Variants in EXOC6 observed in about 807,000 individuals in gnomAD.
The protein encoded by EXOC6 is exocyst complex component 6, also known as SEC15-like 1.
In EXOC6, 60 loss-of-function variants were observed where a neutral mutation model predicts 112.5. That is an observed-to-expected ratio of 0.53 (90% CI 0.43 to 0.66). The LOEUF is 0.66. EXOC6 is among the 30% of genes least tolerant of loss of function. The probability of loss-of-function intolerance (pLI) is 0.00; values close to 1 mark genes in which losing one functional copy is unlikely to be tolerated. For synonymous variants in EXOC6, 295 were observed against 308.0 expected (o/e 0.96, Z 0.44); for missense variants, 855 against 957.1 (o/e 0.89, Z 1.41).
intron 20 of EXOC6, among the ~76,000 whole-genome samples, chr10:93,015,191 T>G (rs1189410425): frequency 6.6e-6 from 1 of 152,216 alleles, no homozygotes; most frequent in African/African-American, 2.4e-5. Flanking sequence ...ATCATTGGTA[T>G]GAACAGACTC....
chr10:92,939,914 A>G (rs1394071654), intron 12 of EXOC6, among the ~76,000 whole-genome samples: 1 of 151,876 alleles, frequency 6.6e-6, no homozygotes, highest in African/African-American at 2.4e-5. Context: ...TAGAAGTGAG[A>G]GATTGTAGTA....
chr10:92,835,290 A>G (rs181214554), intron 1 of EXOC6, among the ~76,000 whole-genome samples: 1 of 152,174 alleles, frequency 6.6e-6, no homozygotes, highest in African/African-American at 2.4e-5. Context: ...TTTTGTTTCC[A>G]TATAAGGTTT....
At chr10:92,934,038 G>T in intron 9 of EXOC6, 106 bp from the exon 10 acceptor site, 1 of 666,164 alleles carries the variant, frequency 1.5e-6, no homozygotes. Context: ...GTGGCATATA[G>T]TAGACTCTCA....
chr10:92,846,103 C>CA (rs2133603957), upstream of EXOC6, among the ~76,000 whole-genome samples: 2 of 152,336 alleles, frequency 1.3e-5, no homozygotes, highest in South Asian at 4.1e-4. Context: ...GGACTTCCTT[C>CA]CATGTTCACT....
chr10:92,952,221 G>T, intron 14 of EXOC6, 52 bp from the exon 15 acceptor site: 1 of 1,107,158 alleles, frequency 9.0e-7, no homozygotes, highest in Non-Finnish European at 1.4e-6. Context: ...TTAGTGATTA[G>T]CATGTCTTTT....
At chr10:92,944,773 AT>A (rs35127540) in intron 13 of EXOC6, among the ~76,000 whole-genome samples, 41,155 of 137,072 alleles carry the variant, frequency 0.3, 5,497 homozygotes, top group Middle Eastern at 0.37. Context: ...ACCTCGTTGT[AT>A]TTTTTTTTTT....
chr10:92,873,703 G>T (rs1848557752), intron 1 of EXOC6, among the ~76,000 whole-genome samples: 1 of 151,956 alleles, frequency 6.6e-6, no homozygotes, highest in South Asian at 2.1e-4. Context: ...AAAACACATA[G>T]AACGTGAGTT....
At chr10:92,979,896 C>CAA (rs5787028) in intron 18 of EXOC6, among the ~76,000 whole-genome samples, 139 of 84,320 alleles carry the variant, frequency 1.6e-3, no homozygotes, top group South Asian at 8.0e-3. Context: ...GACACTGTCT[C>CAA]AAAAAAAAAA....
chr10:92,932,243 A>C (rs188121732), intron 9 of EXOC6, among the ~76,000 whole-genome samples: 1 of 152,202 alleles, frequency 6.6e-6, no homozygotes, highest in East Asian at 1.9e-4. Flanking sequence ...ATTTTTGAAA[A>C]GACAAAACTC....
At chr10:92,918,182 T>C (rs1294920282) in intron 7 of EXOC6, among the ~76,000 whole-genome samples, 1 of 152,184 alleles carries the variant, frequency 6.6e-6, no homozygotes, top group Admixed American at 6.5e-5. Flanking sequence ...CAGAATCTTC[T>C]ATTGAACTTA....
At chr10:92,927,811 G>T (rs1175029861) in intron 8 of EXOC6, among the ~76,000 whole-genome samples, 1 of 152,184 alleles carries the variant, frequency 6.6e-6, no homozygotes, top group Non-Finnish European at 1.5e-5. Flanking sequence ...GGCGAGTCCT[G>T]AAGGATGAGT....
intron 20 of EXOC6, among the ~76,000 whole-genome samples, chr10:93,029,469 A>G (rs1845176473): frequency 6.6e-6 from 1 of 152,124 alleles, no homozygotes; most frequent in Admixed American, 6.5e-5. Context: ...ATTTGAGGCC[A>G]TTTTTCTCTA....
intron 5 of EXOC6, chr10:92,901,590 C>T (rs1410103768): frequency 3.4e-5 from 5 of 146,654 alleles, no homozygotes; most frequent in African/African-American, 5.0e-5. Flanking sequence ...TTTATTGTAT[C>T]GTAAGATGTT....
At chr10:93,050,476 G>C (rs888151007) in intron 20 of EXOC6, among the ~76,000 whole-genome samples, 2 of 151,340 alleles carry the variant, frequency 1.3e-5, no homozygotes, top group African/African-American at 4.9e-5. Flanking sequence ...GCTTGAACCT[G>C]AGGCCAGGTG....
chr10:92,971,103 G>T (rs1267104178), intron 17 of EXOC6, among the ~76,000 whole-genome samples: 6 of 152,176 alleles, frequency 3.9e-5, no homozygotes. Context: ...CCAGGCTGGA[G>T]TGAAGTGGCG....
At chr10:92,920,628 CA>C (rs1851378224) in intron 8 of EXOC6, among the ~76,000 whole-genome samples, 1 of 152,120 alleles carries the variant, frequency 6.6e-6, no homozygotes, top group African/African-American at 2.4e-5. Context: ...TAGGGTTGTT[CA>C]CGTCTTTTAC....
upstream of EXOC6, chr10:92,831,375 TG>T (rs1198603320): frequency 7.8e-7 from 1 of 1,277,570 alleles, no homozygotes; most frequent in East Asian, 5.6e-5. Context: ...AAAGCAATAG[TG>T]GTTTGTTAAT....
intron 20 of EXOC6, among the ~76,000 whole-genome samples, chr10:93,046,111 G>C (rs1269554930): frequency 6.6e-6 from 1 of 152,208 alleles, no homozygotes. Flanking sequence ...AACATATGCA[G>C]TGAATCTCAA....
intron 9 of EXOC6, among the ~76,000 whole-genome samples, chr10:92,930,836 GA>G (rs1227373449): frequency 6.6e-6 from 1 of 152,118 alleles, no homozygotes; most frequent in African/African-American, 2.4e-5. Context: ...TTAAGAAAAT[GA>G]AAAAGCTGGC....
Sources: gnomAD v4.1 joint callset for allele counts (sites outside exome capture counted in the v4.1 genomes callset) on GRCh38, gnomAD v4.1.1 for gene constraint, MANE v1.5 for transcripts, NCBI Gene and HGNC (gene_info 2026-07-23, HGNC 2026-07-21) for gene names.